Variants in DIO1 observed in about 807,000 individuals in gnomAD.
The protein encoded by DIO1 is iodothyronine deiodinase 1, also known as type I iodothyronine deiodinase.
In DIO1, 17 loss-of-function variants were observed where a neutral mutation model predicts 25.9. The ratio of observed to expected loss-of-function variants is 0.66; its 90% CI spans 0.45 to 0.98. The LOEUF is 0.98. Ranked by LOEUF, DIO1 falls within the 50% of genes least tolerant of loss-of-function variation. The probability of loss-of-function intolerance (pLI) is 0.00; values close to 1 mark genes in which losing one functional copy is unlikely to be tolerated. For missense variants in DIO1, 270 were observed against 310.4 expected, an observed-to-expected ratio of 0.87 and a Z score of 0.98; for synonymous variants, 115 against 114.0, an observed-to-expected ratio of 1.01 and a Z score of -0.05.
At chr1:53,902,180 C>T (rs923562240) in intron 1 of DIO1, among the ~76,000 whole-genome samples, 9 of 151,746 alleles carry the variant, frequency 5.9e-5, no homozygotes, top group Non-Finnish European at 1.3e-4. Flanking sequence ...TCTCCCTTTT[C>T]CCATGGCTGG....
At chr1:53,904,099 C>T (rs183221880) in intron 1 of DIO1, among the ~76,000 whole-genome samples, 7 of 152,168 alleles carry the variant, frequency 4.6e-5, no homozygotes, top group African/African-American at 1.7e-4. Flanking sequence ...CAGTTTAAGC[C>T]CTTATCTCTA....
intron 1 of DIO1, 112 bp from the exon 2 acceptor site, chr1:53,904,554 T>G: frequency 2.2e-6 from 3 of 1,340,916 alleles, no homozygotes; most frequent in South Asian, 1.4e-5. Flanking sequence ...CATCCTGGGG[T>G]GGGGGGTAGG....
At chr1:53,896,216 T>C (rs1405108598) in intron 1 of DIO1, among the ~76,000 whole-genome samples, 447 of 106,102 alleles carry the variant, frequency 4.2e-3, no homozygotes, top group African/African-American at 0.015. Flanking sequence ...TTCTCTTTTT[T>C]TTTTTTTTTT....
chr1:53,898,348 G>A (rs764177265), intron 1 of DIO1, among the ~76,000 whole-genome samples: 16 of 152,122 alleles, frequency 1.1e-4, no homozygotes, highest in African/African-American at 1.7e-4. Context: ...CAGAGCTTAC[G>A]GGGCCTTGTG....
chr1:53,894,407 T>C lies in DIO1; in HGVS notation c.197T>C (p.Phe66Ser). 1 of 1,614,240 alleles carries C rather than the reference T, an allele frequency of 6.2e-7. No homozygotes were observed. The highest frequency in any genetic ancestry group is 1.1e-5 in the South Asian group (1 of 91,086). The change falls in exon 1 of 4, where the codon TTC (phenylalanine) becomes TCC (serine). Residue 66 changes from phenylalanine (F) to serine (S), a missense_variant. By Grantham distance (155) the Phe-to-Ser change is radical. Transcript: ENST00000361921. This position sits in a 1 kb window ranked among gnomAD's most constrained non-coding sequence, Gnocchi z 4.9. ...CACGACAACTGGATACCAACCTTTT[T>C]CAGCACCCAGTATTTCTGGTTCGTC... ...FSHDNWIPTF[F>S]STQYFWFVLK...
At position 53,905,102 on chromosome 1, in the gene DIO1, T is replaced by C. The variant is rs184289536; in HGVS notation, c.481+293T>C. Reference sequence around the variant, plus strand: ...GGGAAGTCAAGGGAGAAGAACTGATTTGAACACATTTACAAAGAATTCAGA... The same window carrying C: ...GGGAAGTCAAGGGAGAAGAACTGATCTGAACACATTTACAAAGAATTCAGA... On this transcript the variant is annotated intron_variant, in intron 2 of 3. Transcript: ENST00000361921. Among the ~76,000 whole-genome samples the C allele has an allele frequency of 4.2e-3, 642 of 152,200 alleles. 5 individuals carry two copies. Among genetic ancestry groups the C allele is most frequent in the African/African-American group, 0.015 (621 of 41,494 alleles).
Position 53,910,214 on chromosome 1 carries a change from T to C in DIO1, c.*215T>C. ...TTATTATCAGAAAATGAAGCAACAC[T>C]TGAGCTGTTCAGGCCAGTTCCCTGT... is the stretch of plus-strand genomic sequence containing the variant. On this transcript the variant is annotated 3_prime_UTR_variant, in exon 4 of 4. Coordinates refer to ENST00000361921, the MANE Select transcript of DIO1 (RefSeq NM_000792.7). The C allele has an allele frequency of 1.8e-6, 1 of 566,334 alleles. No individual in the cohort carries two copies. The highest frequency in any genetic ancestry group is 3.0e-5 in the Admixed American group (1 of 33,842). The allele number at this position is 566,334 out of a possible 1,614,324, so 35.1% of individuals were successfully genotyped here. A position where few individuals can be genotyped will look rare whatever the true frequency, so the allele number is the denominator to read the frequency against.
In DIO1 at chr1:53,910,036, A is replaced by T; in HGVS notation, c.*37A>T. 6.3e-7 allele frequency: 1 copy of T among 1,588,464 alleles called. No homozygotes were observed. The highest frequency in any genetic ancestry group is 8.6e-7 in the Non-Finnish European group (1 of 1,156,690). Reference sequence around the variant, plus strand: ...ACCTCAATTCTAGGTGACCAACGGGAGGGCTTCTCAAGGCTTAGCTCTCCC... The same window carrying T: ...ACCTCAATTCTAGGTGACCAACGGGTGGGCTTCTCAAGGCTTAGCTCTCCC... On this transcript the variant is annotated 3_prime_UTR_variant, in exon 4 of 4. Coordinates refer to ENST00000361921, the MANE Select transcript of DIO1 (RefSeq NM_000792.7).
rs1651551932 is a variant in DIO1 at position 53,904,673 on chromosome 1, G to GCCACTGGTGCTGAA, written c.346_359dup (p.Phe121HisfsTer4). 1.2e-6 allele frequency: 2 copies of GCCACTGGTGCTGAA among 1,613,472 alleles called. No homozygotes were observed. The highest frequency in any genetic ancestry group is 1.3e-5 in the African/African-American group (1 of 75,006). On this transcript the variant is annotated frameshift_variant, in exon 2 of 4. Transcript: ENST00000361921. LOFTEE classifies it high-confidence loss of function. The stretch of plus-strand genomic sequence containing the variant: ...TGGTTGTTGCTGTTTCAGGTAATAG[G>GCCACTGGTGCTGAA]CCACTGGTGCTGAATTTTGGAAGTT...
chr1:53,904,070 C>T (rs1651517077), intron 1 of DIO1, among the ~76,000 whole-genome samples: 2 of 152,072 alleles, frequency 1.3e-5, no homozygotes, highest in Non-Finnish European at 2.9e-5. Flanking sequence ...TTATGAAGCA[C>T]CTACTATGGG....
At chr1:53,900,228 G>A (rs1333000065) in intron 1 of DIO1, among the ~76,000 whole-genome samples, 2 of 152,196 alleles carry the variant, frequency 1.3e-5, no homozygotes, top group African/African-American at 4.8e-5. Context: ...ATATAGCTCA[G>A]TTATAACAAA....
At position 53,894,637 on chromosome 1, in the gene DIO1, T is replaced by G; in HGVS notation, c.337+90T>G. 1 of 1,242,568 alleles carries G rather than the reference T, an allele frequency of 8.0e-7. No homozygotes were observed. Among genetic ancestry groups the G allele is most frequent in the Non-Finnish European group, 1.1e-6 (1 of 905,560 alleles). The allele number at this position is 1,242,568 out of a possible 1,614,324, so 77.0% of individuals were successfully genotyped here. On this transcript the variant is annotated intron_variant, in intron 1 of 3. Transcript: ENST00000361921. The surrounding 1 kb of genome is among the most constrained non-coding windows in gnomAD (Gnocchi z 4.9). ...TGGGTTGGAAAGTCCTGAATTCTCC[T>G]ACTACTTTTGCTGCTCCTTTTGGAC...
intron 1 of DIO1, among the ~76,000 whole-genome samples, chr1:53,896,076 G>A (rs1348194637): frequency 6.6e-6 from 1 of 152,150 alleles, no homozygotes; most frequent in African/African-American, 2.4e-5. Flanking sequence ...CCAGTGGAGA[G>A]CCTCAGGAGA....
At chr1:53,907,634 G>A (rs116295348) in intron 3 of DIO1, among the ~76,000 whole-genome samples, 3,457 of 152,274 alleles carry the variant, frequency 0.023, 102 homozygotes, top group African/African-American at 0.064. Flanking sequence ...ATACCTAGCC[G>A]GGTGCAGTGG....
In DIO1 at chr1:53,907,913, GAAAAAAAAAA is replaced by G. The variant is rs34264508; in HGVS notation, c.681+1633_681+1642del. Among the ~76,000 whole-genome samples the G allele has an allele frequency of 3.8e-4, 18 of 46,782 alleles. No homozygotes were observed. In the Admixed American group the frequency reaches 4.2e-3, roughly 11 times the overall value. 30.7% of individuals were successfully genotyped at this position (46,782 alleles called of 152,430 possible). On this transcript the variant is annotated intron_variant, in intron 3 of 3. Coordinates refer to ENST00000361921, the MANE Select transcript of DIO1 (RefSeq NM_000792.7). ...GCAACAAGAGTGAAACTCTGTCTCGGAAAAAAAAAAAAAAAAAAAAAAATGACCGGCCGGG... is the reference window on the plus strand; with the variant it reads ...GCAACAAGAGTGAAACTCTGTCTCGGAAAAAAAAAAAAATGACCGGCCGGG...
At position 53,907,912 on chromosome 1, in the gene DIO1, GGAA is replaced by G. The variant is rs1310755533; in HGVS notation, c.681+1619_681+1621del. 4.7e-4 allele frequency among the ~76,000 whole-genome samples: 34 copies of G among 71,848 alleles called. 1 individual carries two copies. The highest frequency in any genetic ancestry group is 3.8e-3 in the South Asian group (10 of 2,650). The allele number at this position is 71,848 out of a possible 152,430, so 47.1% of individuals were successfully genotyped here. On this transcript the variant is annotated intron_variant, in intron 3 of 3. Transcript: ENST00000361921. ...AGCAACAAGAGTGAAACTCTGTCTC[GGAA>G]AAAAAAAAAAAAAAAAAAAAATGAC...
At chr1:53,901,101 A>T (rs938398582) in intron 1 of DIO1, among the ~76,000 whole-genome samples, 1 of 141,114 alleles carries the variant, frequency 7.1e-6, no homozygotes, top group African/African-American at 2.6e-5. Flanking sequence ...AAATGCTGGG[A>T]TTACAGGTGT....
At chr1:53,902,580 A>C (rs731828) in intron 1 of DIO1, among the ~76,000 whole-genome samples, 61,176 of 151,572 alleles carry the variant, frequency 0.4, 12,901 homozygotes, top group East Asian at 0.56. Context: ...TGGACACTTA[A>C]ACAGGCCATG....
At chr1:53,909,406 ACT>A (rs1388748201) in intron 3 of DIO1, among the ~76,000 whole-genome samples, 1 of 151,870 alleles carries the variant, frequency 6.6e-6, no homozygotes, top group Non-Finnish European at 1.5e-5. Context: ...ACAGAGCGAG[ACT>A]CTGTCTCAAA....
Sources: allele counts gnomAD v4.1 joint callset (sites outside exome capture counted in the v4.1 genomes callset), GRCh38; gene constraint gnomAD v4.1.1; non-coding constraint Gnocchi (gnomAD v3.1); transcripts MANE v1.5; gene names NCBI Gene and HGNC (gene_info 2026-07-23, HGNC 2026-07-21).